The following GSN variants were observed in gnomAD, a reference collection of about 807,000 sequenced individuals.
GSN encodes the protein gelsolin.
A neutral mutation model predicts 85.7 loss-of-function variants in GSN; 56 were observed. The ratio of observed to expected loss-of-function variants is 0.65; its 90% CI spans 0.53 to 0.82. The LOEUF (loss-of-function observed/expected upper bound fraction) is 0.82. GSN is among the 40% of genes least tolerant of loss of function. The pLI is 0.00. For missense variants in GSN, 857 were observed against 979.8 expected, an observed-to-expected ratio of 0.87 and a Z score of 1.67; for synonymous variants, 373 against 399.1, an observed-to-expected ratio of 0.93 and a Z score of 0.78.
chr9:121,268,415 G>C (rs944294685), intron 1 of GSN, among the ~76,000 whole-genome samples, 196 bp downstream of exon 1: 4 of 152,166 alleles, frequency 2.6e-5, no homozygotes, highest in Non-Finnish European at 1.5e-5. Flanking sequence ...ATGGGAGTTG[G>C]GGGATGGGGA....
At chr9:121,225,790 A>C (rs1486492277) in intron 4 of GSN, among the ~76,000 whole-genome samples, 1 of 152,114 alleles carries the variant, frequency 6.6e-6, no homozygotes, top group Non-Finnish European at 1.5e-5. Context: ...TGCCCAGCAC[A>C]CAGCCTCACA....
chr9:121,205,568 C>G (rs980255997), upstream of GSN, among the ~76,000 whole-genome samples: 1 of 152,108 alleles, frequency 6.6e-6, no homozygotes, highest in Non-Finnish European at 1.5e-5. Context: ...TCCCCTTATC[C>G]CTTCCTCCCA....
intron 4 of GSN, among the ~76,000 whole-genome samples, chr9:121,305,611 C>T (rs1027434463): frequency 2.0e-5 from 3 of 152,204 alleles, no homozygotes; most frequent in Non-Finnish European, 4.4e-5. Flanking sequence ...GATCCTCGCT[C>T]GGATATGGCC....
At position 121,324,657 on chromosome 9, in the gene GSN, C is replaced by T; in HGVS notation, c.1416+13C>T. 7.4e-7 allele frequency: 1 copy of T among 1,348,382 alleles called. No homozygotes were observed. The highest frequency in any genetic ancestry group is 1.0e-6 in the Non-Finnish European group (1 of 965,624). 83.5% of individuals were successfully genotyped at this position (1,348,382 alleles called of 1,614,324 possible). A position where few individuals can be genotyped will look rare whatever the true frequency, so the allele number is the denominator to read the frequency against. On this transcript the variant is annotated intron_variant, in intron 12 of 17. Coordinates refer to ENST00000432226, the MANE Select transcript of GSN (RefSeq NM_198252.3). ...TACCCCTGTCCAGGTGAGCCCAGCC[C>T]ACCGCCTCTCTGGGCTGCAGCCTGA...
intron 1 of GSN, among the ~76,000 whole-genome samples, chr9:121,269,530 G>A (rs1339878491): frequency 6.6e-6 from 1 of 152,142 alleles, no homozygotes. Context: ...TGGGGGTGCT[G>A]GTTGGTGTTT....
upstream of GSN, among the ~76,000 whole-genome samples, chr9:121,207,179 G>A (rs936534336): frequency 6.6e-6 from 1 of 152,206 alleles, no homozygotes; most frequent in Admixed American, 6.5e-5. Context: ...GTGCTGTTGA[G>A]AACTGAGATT....
At chr9:121,308,423 TA>T (rs1247100360) in intron 4 of GSN, 2 of 152,448 alleles carry the variant, frequency 1.3e-5, no homozygotes, top group Non-Finnish European at 2.9e-5. Flanking sequence ...CTCATGCCTG[TA>T]ATTCCAGCAC....
intron 4 of GSN, among the ~76,000 whole-genome samples, chr9:121,213,569 G>A (rs2132080462): frequency 6.6e-6 from 1 of 152,326 alleles, no homozygotes; most frequent in African/African-American, 2.4e-5. Context: ...TTGCAGTCAG[G>A]TGGGCTTGGA....
rs2059926419 is a variant in GSN, at chr9:121,302,031, G to C, written c.60G>C (p.Trp20Cys). 3.1e-6 allele frequency: 5 copies of C among 1,614,248 alleles called. No individual in the cohort carries two copies. In the East Asian group the frequency reaches 1.1e-4, roughly 36 times the overall value. Residue 20 changes from tryptophan to cysteine, a missense_variant, in exon 3 of 18, where the codon TGG becomes TGC. Transcript: ENST00000432226. Reference protein sequence around the residue: ...KAGKEPGLQIWRVEKFDLVPV... With the variant: ...KAGKEPGLQICRVEKFDLVPV... ...GGAAGGAGCCTGGCCTGCAGATCTGGCGTGTGGAGAAGTTCGATCTGGTGC... is the reference window on the plus strand; with the variant it reads ...GGAAGGAGCCTGGCCTGCAGATCTGCCGTGTGGAGAAGTTCGATCTGGTGC...
At chr9:121,259,061 A>G (rs1453570862) in intron 6 of GSN, among the ~76,000 whole-genome samples, 2 of 152,242 alleles carry the variant, frequency 1.3e-5, no homozygotes, top group East Asian at 1.9e-4. Context: ...CCACAGTGTG[A>G]TAAGTGTCAG....
At chr9:121,222,661 T>A (rs2054191763) in intron 4 of GSN, among the ~76,000 whole-genome samples, 1 of 152,218 alleles carries the variant, frequency 6.6e-6, no homozygotes, top group South Asian at 2.1e-4. Context: ...CAACGTATGT[T>A]AGCAGTGGTG....
chr9:121,316,417 G>A lies in GSN; in HGVS notation c.754-669G>A, dbSNP rs140573918. 2.6e-3 allele frequency among the ~76,000 whole-genome samples: 400 copies of A among 152,158 alleles called. 1 individual carries two copies. The highest frequency in any genetic ancestry group is 4.5e-3 in the Non-Finnish European group (305 of 67,978). ...TTTTTTATTCTAGGTTCCAATCCAG[G>A]ATACCAGATTGCATTTAGCTCTTTT... On this transcript the variant is annotated intron_variant, in intron 7 of 17. Coordinates refer to ENST00000432226, the MANE Select transcript of GSN (RefSeq NM_198252.3).
chr9:121,268,680 G>A (rs1363618999), intron 1 of GSN, among the ~76,000 whole-genome samples: 1 of 152,168 alleles, frequency 6.6e-6, no homozygotes. Context: ...CTCTCCAGCT[G>A]CTTCCTCTTT....
At chr9:121,256,729 C>CA (rs967162615) in intron 6 of GSN, among the ~76,000 whole-genome samples, 29 of 149,644 alleles carry the variant, frequency 1.9e-4, no homozygotes, top group South Asian at 1.5e-3. Flanking sequence ...AATACAACAA[C>CA]AAAAAAAAAA....
intron 7 of GSN, among the ~76,000 whole-genome samples, chr9:121,314,604 A>G (rs998989746): frequency 3.3e-5 from 5 of 152,248 alleles, no homozygotes; most frequent in African/African-American, 4.8e-5. Context: ...ACTGCCAAAG[A>G]AAAACTACTA....
chr9:121,254,272 T>C (rs559733656), intron 6 of GSN, among the ~76,000 whole-genome samples: 1 of 152,362 alleles, frequency 6.6e-6, no homozygotes, highest in African/African-American at 2.4e-5. Context: ...AACACAGTTT[T>C]AGCCTCCACA....
At chr9:121,331,899 CA>C (rs2063955381) in intron 17 of GSN, 1 of 190,720 alleles carries the variant, frequency 5.2e-6, no homozygotes, top group South Asian at 1.0e-4. Flanking sequence ...AGAAAAAATA[CA>C]AAAAAATTAG....
intron 8 of GSN, 185 bp downstream of exon 8, chr9:121,317,403 C>T: frequency 1.6e-6 from 1 of 643,456 alleles, no homozygotes; most frequent in Non-Finnish European, 2.8e-6. Context: ...CTTTACTTAC[C>T]CTTTCTGGGC....
At chr9:121,316,952 A>G in intron 7 of GSN, 134 bp from the exon 8 acceptor site, 1 of 1,107,532 alleles carries the variant, frequency 9.0e-7, no homozygotes. Context: ...GAACCTCTAA[A>G]TGTGTGCGAG....
Sources: allele counts gnomAD v4.1 joint callset (sites outside exome capture counted in the v4.1 genomes callset), GRCh38; gene constraint gnomAD v4.1.1; transcripts MANE v1.5; gene names NCBI Gene and HGNC (gene_info 2026-07-23, HGNC 2026-07-21).